The following SOS2 variants were observed in gnomAD, a reference collection of about 807,000 sequenced individuals.
SOS2 encodes son of sevenless homolog 2.
A neutral mutation model predicts 148.2 loss-of-function variants in SOS2; 65 were observed. That is an observed-to-expected ratio of 0.44 (90% CI 0.36 to 0.54). The LOEUF is 0.54. SOS2 is among the 20% of genes least tolerant of loss of function. The pLI is 0.00. For synonymous variants in SOS2, 539 were observed against 537.1 expected, an observed-to-expected ratio of 1.00 and a Z score of -0.05; for missense variants, 1,341 against 1,590.2, an observed-to-expected ratio of 0.84 and a Z score of 2.67.
At chr14:50,136,602 T>C (rs986651807) in intron 18 of SOS2, among the ~76,000 whole-genome samples, 3 of 151,776 alleles carry the variant, frequency 2.0e-5, no homozygotes, top group African/African-American at 7.3e-5. Flanking sequence ...TTTTTTTTTT[T>C]TTTTTGAGAT....
intron 1 of SOS2, among the ~76,000 whole-genome samples, chr14:50,205,958 T>C (rs560004147): frequency 1.6e-4 from 20 of 121,656 alleles, no homozygotes; most frequent in Non-Finnish European, 3.4e-4. Flanking sequence ...CCTCATATTT[T>C]GTAAGTCTAT....
At chr14:50,160,379 C>CTTTTTTTTTTTTTTTT (rs200021758) in intron 9 of SOS2, among the ~76,000 whole-genome samples, 1 of 78,850 alleles carries the variant, frequency 1.3e-5, no homozygotes, top group African/African-American at 5.0e-5. Flanking sequence ...CAATGCTAAT[C>CTTTTTTTTTTTTTTTT]TTTTTTTTTT....
rs1883378714 is a variant in SOS2, at chr14:50,118,469, C to G, written c.3874G>C (p.Val1292Leu). Residue 1292 changes from valine to leucine, a missense_variant, in exon 23 of 23, where the codon GTT (valine) becomes CTT (leucine). This residue lies in a region of SOS2 where 354 missense variants were observed against 347.7 expected (regional missense o/e 1.02). Coordinates refer to ENST00000216373, the MANE Select transcript of SOS2 (RefSeq NM_006939.4). ...GGGCTTGAATTCTGCCTTGGTGGAACAGGGGGAGCTGGAGGATGAGCAAGA... is the reference window on the plus strand; with the variant it reads ...GGGCTTGAATTCTGCCTTGGTGGAAGAGGGGGAGCTGGAGGATGAGCAAGA... ...NNLAHPPAPP[V>L]PPRQNSSPHL... The G allele has an allele frequency of 1.2e-6, 2 of 1,613,918 alleles. No individual in the cohort carries two copies. The highest frequency in any genetic ancestry group is 2.2e-5 in the East Asian group (1 of 44,896).
Position 50,174,529 on chromosome 14 carries a change from C to T in SOS2, c.993G>A (p.Glu331=). The change falls in exon 8 of 23, where the codon GAG becomes GAA. Residue 331 remains glutamate, a synonymous_variant. Coordinates refer to ENST00000216373, the MANE Select transcript of SOS2 (RefSeq NM_006939.4). ...GACGTGGAAGGACATAACGAACTGCCTCTTTAAAACCATCAGCAATGGACT... is the reference window on the plus strand; with the variant it reads ...GACGTGGAAGGACATAACGAACTGCTTCTTTAAAACCATCAGCAATGGACT... The part of the protein sequence containing the change: ...HFQSIADGFK[E]AVRYVLPRLM... 2 of 1,608,304 alleles carry T rather than the reference C, an allele frequency of 1.2e-6. No homozygotes were observed. Among genetic ancestry groups the T allele is most frequent in the South Asian group, 1.1e-5 (1 of 90,184 alleles).
chr14:50,190,937 TAAA>T (rs1196302254), intron 4 of SOS2, among the ~76,000 whole-genome samples: 1 of 152,136 alleles, frequency 6.6e-6, no homozygotes, highest in Admixed American at 6.6e-5. Flanking sequence ...ACATAAGACA[TAAA>T]AACACACAGA....
At chr14:50,212,297 A>T (rs759707893) in intron 1 of SOS2, among the ~76,000 whole-genome samples, 39 of 152,170 alleles carry the variant, frequency 2.6e-4, no homozygotes, top group Non-Finnish European at 1.0e-4. Flanking sequence ...AACACGGTGA[A>T]ACCCCGTCTC....
At chr14:50,200,825 G>C (rs1886462780) in intron 3 of SOS2, 128 bp downstream of exon 3, 1 of 706,358 alleles carries the variant, frequency 1.4e-6, no homozygotes, top group Non-Finnish European at 2.4e-6. Context: ...GTATGTACAA[G>C]CATACATATG....
chr14:50,123,076 G>C (rs201962539), intron 21 of SOS2, among the ~76,000 whole-genome samples: 2 of 152,094 alleles, frequency 1.3e-5, no homozygotes, highest in East Asian at 3.8e-4. Flanking sequence ...AAGGGGTATA[G>C]AAAGAGGTGG....
At chr14:50,188,304 C>T (rs551623683) in intron 5 of SOS2, among the ~76,000 whole-genome samples, 193 bp downstream of exon 5, 2 of 152,256 alleles carry the variant, frequency 1.3e-5, no homozygotes, top group East Asian at 3.9e-4. Context: ...ACTCAGGAGG[C>T]TGAGGCAGGA....
chr14:50,188,511 GCTTT>G lies in SOS2; in HGVS notation c.696_699del (p.Arg232SerfsTer21), dbSNP rs1566843971. ...AAGGTACTTACAGAAGGTTTAAACA[GCTTT>G]CTATCAGAAAGAAAGGCTTCTCGAA... On this transcript the variant is annotated frameshift_variant, in exon 5 of 23. Coordinates refer to ENST00000216373, the MANE Select transcript of SOS2 (RefSeq NM_006939.4). LOFTEE classifies it high-confidence loss of function. 2 of 1,598,456 alleles carry G rather than the reference GCTTT, an allele frequency of 1.3e-6. No individual in the cohort carries two copies. Among genetic ancestry groups the G allele is most frequent in the East Asian group, 2.2e-5 (1 of 44,738 alleles).
At chr14:50,182,278 T>C (rs1700177080) in intron 6 of SOS2, among the ~76,000 whole-genome samples, 185 bp downstream of exon 6, 1 of 139,534 alleles carries the variant, frequency 7.2e-6, no homozygotes, top group South Asian at 2.2e-4. Context: ...ATGGGCTTGA[T>C]CTCCCAGGCT....
rs141230592 is a variant in SOS2, at chr14:50,179,272, T to A, written c.969+1300A>T. ...AATGAAAAAACTTTCTTCACTCTAG[T>A]TAATTATTCTACTAGAGTGAAGAAA... On this transcript the variant is annotated intron_variant, in intron 7 of 22. Coordinates refer to ENST00000216373, the MANE Select transcript of SOS2 (RefSeq NM_006939.4). 1.9e-3 allele frequency among the ~76,000 whole-genome samples: 290 copies of A among 152,154 alleles called. 2 individuals are homozygous for A. The highest frequency in any genetic ancestry group is 6.1e-3 in the African/African-American group (252 of 41,454).
chr14:50,186,268 G>A (rs1885908280), intron 5 of SOS2, among the ~76,000 whole-genome samples: 1 of 151,948 alleles, frequency 6.6e-6, no homozygotes, highest in Admixed American at 6.6e-5. Context: ...TATTAAAATA[G>A]ACATTTTCTG....
intron 8 of SOS2, among the ~76,000 whole-genome samples, chr14:50,166,614 G>A (rs1566834382): frequency 1.3e-5 from 2 of 152,126 alleles, no homozygotes; most frequent in South Asian, 4.1e-4. Context: ...GTCTATAAGT[G>A]TATCCTGTCT....
intron 7 of SOS2, among the ~76,000 whole-genome samples, chr14:50,178,821 C>T (rs2139695425): frequency 1.3e-5 from 2 of 151,774 alleles, no homozygotes; most frequent in East Asian, 3.9e-4. Flanking sequence ...GCAACCTCCG[C>T]CTCCCGGGTT....
At chr14:50,141,020 C>T (rs563305894) in intron 16 of SOS2, among the ~76,000 whole-genome samples, 3 of 150,936 alleles carry the variant, frequency 2.0e-5, no homozygotes, top group Non-Finnish European at 3.0e-5. Flanking sequence ...CTGGCTAACA[C>T]GGTGAAACCC....
At chr14:50,180,129 G>A (rs891079518) in intron 7 of SOS2, among the ~76,000 whole-genome samples, 1 of 151,298 alleles carries the variant, frequency 6.6e-6, no homozygotes, top group Admixed American at 6.6e-5. Context: ...TTAGCCTCCT[G>A]AGTAGCTGGG....
intron 7 of SOS2, 124 bp from the exon 8 acceptor site, chr14:50,174,676 C>A (rs1885468665): frequency 4.3e-6 from 2 of 468,290 alleles, no homozygotes; most frequent in Non-Finnish European, 3.9e-6. Flanking sequence ...CAACAGAATG[C>A]ATATTCTATA....
intron 1 of SOS2, among the ~76,000 whole-genome samples, chr14:50,223,497 AC>A (rs1364558283): frequency 6.6e-6 from 1 of 151,310 alleles, no homozygotes; most frequent in East Asian, 1.9e-4. Flanking sequence ...ACATGGTGAA[AC>A]CCCGTCTCTA....
Sources: gnomAD v4.1 joint callset for allele counts (sites outside exome capture counted in the v4.1 genomes callset) on GRCh38, gnomAD v4.1.1 for gene constraint, gnomAD v4.1.1 regional missense constraint, MANE v1.5 for transcripts, NCBI Gene and HGNC (gene_info 2026-07-23, HGNC 2026-07-21) for gene names.